MAP3K20: variants seen among roughly 807,000 people sequenced by gnomAD.
The protein encoded by MAP3K20 is HCCS-4.
Under a neutral mutation model 85.7 loss-of-function variants are expected in MAP3K20, and 40 were observed. The observed-to-expected ratio is 0.47, with a 90% CI of 0.36 to 0.61. The LOEUF is 0.61. Among genes scored for constraint, MAP3K20 ranks in the 20% least tolerant of loss-of-function variants. MAP3K20 has a pLI of 0.00. For synonymous variants in MAP3K20, 325 were observed against 327.7 expected, an observed-to-expected ratio of 0.99 and a Z score of 0.09; for missense variants, 817 against 961.7, an observed-to-expected ratio of 0.85 and a Z score of 1.99.
At chr2:173,076,256 C>A (rs1007743100) in intron 1 of MAP3K20, among the ~76,000 whole-genome samples, 2 of 151,924 alleles carry the variant, frequency 1.3e-5, no homozygotes, top group Admixed American at 1.3e-4. Context: ...GCCGCGGCGC[C>A]GCCAAGTGCG....
At chr2:173,119,211 C>T (rs1688207835) in intron 2 of MAP3K20, among the ~76,000 whole-genome samples, 1 of 152,206 alleles carries the variant, frequency 6.6e-6, no homozygotes, top group South Asian at 2.1e-4. Context: ...GGTGTGTTTG[C>T]AGCCGACTGG....
chr2:173,080,364 T>G (rs1367543595), intron 1 of MAP3K20, among the ~76,000 whole-genome samples: 1 of 152,236 alleles, frequency 6.6e-6, no homozygotes, highest in East Asian at 1.9e-4. Flanking sequence ...TTTCTGCTGC[T>G]AGAGCAGTCT....
chr2:173,100,048 G>C (rs560089694), intron 2 of MAP3K20, among the ~76,000 whole-genome samples: 2 of 152,366 alleles, frequency 1.3e-5, no homozygotes, highest in African/African-American at 4.8e-5. Flanking sequence ...CTGATATCTA[G>C]GCCTCATGCT....
chr2:173,169,610 C>T (rs1003807712), intron 2 of MAP3K20, among the ~76,000 whole-genome samples, 195 bp from the exon 3 acceptor site: 2 of 151,798 alleles, frequency 1.3e-5, no homozygotes, highest in Admixed American at 1.3e-4. Flanking sequence ...GTCCCAGCTA[C>T]TTGGGAGGCT....
chr2:173,106,688 A>G (rs1687791690), intron 2 of MAP3K20, among the ~76,000 whole-genome samples: 1 of 152,156 alleles, frequency 6.6e-6, no homozygotes, highest in Non-Finnish European at 1.5e-5. Flanking sequence ...TTGCAGGGGA[A>G]GGATTCTGTG....
At chr2:173,083,101 A>G (rs1054703659) in intron 1 of MAP3K20, among the ~76,000 whole-genome samples, 1 of 152,232 alleles carries the variant, frequency 6.6e-6, no homozygotes, top group African/African-American at 2.4e-5. Context: ...AGAGAGTTAC[A>G]TTACTTTTAT....
chr2:173,216,720 C>A (rs965773257), intron 10 of MAP3K20, among the ~76,000 whole-genome samples: 1 of 152,174 alleles, frequency 6.6e-6, no homozygotes, highest in African/African-American at 2.4e-5. Context: ...ACCTGAATAT[C>A]ATTTTCCCAC....
intron 10 of MAP3K20, among the ~76,000 whole-genome samples, chr2:173,215,407 TAA>T (rs1684043464): frequency 6.6e-6 from 1 of 152,076 alleles, no homozygotes; most frequent in African/African-American, 2.4e-5. Context: ...CATTGAAAAA[TAA>T]AAACTTTGTT....
In MAP3K20 at chr2:173,198,641, A is replaced by G. The variant is rs1293758214; in HGVS notation, c.669+529A>G. On this transcript the variant is annotated intron_variant, in intron 8 of 19. Coordinates refer to ENST00000375213, the MANE Select transcript of MAP3K20 (RefSeq NM_016653.3). The surrounding 1 kb of genome is among the most constrained non-coding windows in gnomAD (Gnocchi z 5.8). ...TACAGTTTTGCCACCTACGTTGAAC[A>G]CTACATTGAAGATGAGCTCCTCACT... 6.5e-6 allele frequency: 1 copy of G among 152,700 alleles called. No individual in the cohort carries two copies. Among genetic ancestry groups the G allele is most frequent in the Non-Finnish European group, 1.5e-5 (1 of 68,072 alleles). 9.5% of individuals were successfully genotyped at this position (152,700 alleles called of 1,614,324 possible).
chr2:173,159,265 A>G (rs1689570960), intron 2 of MAP3K20, among the ~76,000 whole-genome samples: 1 of 152,170 alleles, frequency 6.6e-6, no homozygotes, highest in African/African-American at 2.4e-5. Flanking sequence ...AAGTTGCATA[A>G]GTTGTTTGAC....
intron 1 of MAP3K20, among the ~76,000 whole-genome samples, chr2:173,087,045 A>G (rs1001347250): frequency 3.9e-5 from 6 of 152,258 alleles, no homozygotes; most frequent in African/African-American, 1.4e-4. Flanking sequence ...TACAAAAGGT[A>G]TAATGGAAGA....
At chr2:173,248,110 G>A (rs77100006) in intron 16 of MAP3K20, among the ~76,000 whole-genome samples, 8,320 of 152,256 alleles carry the variant, frequency 0.055, 891 homozygotes, top group East Asian at 0.53. Flanking sequence ...CTCCTGGGGC[G>A]GGGATTTTAG....
intron 2 of MAP3K20, among the ~76,000 whole-genome samples, chr2:173,114,281 G>T: frequency 6.6e-6 from 1 of 152,004 alleles, no homozygotes; most frequent in Non-Finnish European, 1.5e-5. Flanking sequence ...AGTACTTATG[G>T]GCTAGGTGAG....
chr2:173,261,510 T>C (rs987260812), intron 18 of MAP3K20, among the ~76,000 whole-genome samples: 26 of 152,134 alleles, frequency 1.7e-4, no homozygotes, highest in Non-Finnish European at 3.7e-4. Flanking sequence ...ACAAGGTACG[T>C]AGACCCGGTG....
At chr2:173,228,299 C>G (rs113644299) in intron 11 of MAP3K20, among the ~76,000 whole-genome samples, 7 of 152,214 alleles carry the variant, frequency 4.6e-5, no homozygotes, top group African/African-American at 1.7e-4. Flanking sequence ...GCCTTCCATT[C>G]CCATCCTTCC....
chr2:173,208,384 C>A (rs990883911), intron 9 of MAP3K20, among the ~76,000 whole-genome samples: 2 of 138,596 alleles, frequency 1.4e-5, no homozygotes, highest in African/African-American at 2.6e-5. Context: ...GGCAACAGAG[C>A]AAGACTCTGT....
chr2:173,166,578 T>A (rs371559293), intron 2 of MAP3K20: 12 of 152,246 alleles, frequency 7.9e-5, no homozygotes, highest in South Asian at 4.1e-4. Flanking sequence ...CATATACAGG[T>A]AAATTCAAAA....
chr2:173,118,708 T>G (rs1348155244), intron 2 of MAP3K20, among the ~76,000 whole-genome samples: 1 of 152,238 alleles, frequency 6.6e-6, no homozygotes, highest in Non-Finnish European at 1.5e-5. Context: ...ATGGCCAGAT[T>G]TAACTTGGAA....
intron 2 of MAP3K20, among the ~76,000 whole-genome samples, chr2:173,140,827 T>TACAC (rs35068399): frequency 4.8e-4 from 72 of 151,522 alleles, no homozygotes; most frequent in African/African-American, 1.4e-3. Flanking sequence ...ACTAAACATA[T>TACAC]ACACACACAC....
Sources: gnomAD v4.1 joint callset for allele counts (sites outside exome capture counted in the v4.1 genomes callset) on GRCh38, gnomAD v4.1.1 for gene constraint, Gnocchi (gnomAD v3.1) non-coding constraint, MANE v1.5 for transcripts, NCBI Gene and HGNC (gene_info 2026-07-23, HGNC 2026-07-21) for gene names.